The following GAS2L3 variants were observed in gnomAD, a reference collection of about 807,000 sequenced individuals.
The protein encoded by GAS2L3 is GAS2-like protein 3.
A neutral mutation model predicts 37.0 loss-of-function variants in GAS2L3; 28 were observed. That is an observed-to-expected ratio of 0.76 (90% CI 0.56 to 1.04). The LOEUF is 1.04. Among genes scored for constraint, GAS2L3 ranks in the 50% least tolerant of loss-of-function variants. GAS2L3 has a pLI of 0.00. For synonymous variants in GAS2L3, 290 were observed against 296.6 expected (o/e 0.98, Z 0.23); for missense variants, 793 against 817.6 (o/e 0.97, Z 0.37).
intron 6 of GAS2L3, among the ~76,000 whole-genome samples, chr12:100,613,413 C>G (rs1022014740): frequency 1.3e-5 from 2 of 152,154 alleles, no homozygotes; most frequent in South Asian, 2.1e-4. Flanking sequence ...AACAAATATA[C>G]TATTTTAAGG....
At chr12:100,621,582 A>G (rs1956252089) in intron 8 of GAS2L3, among the ~76,000 whole-genome samples, 1 of 152,128 alleles carries the variant, frequency 6.6e-6, no homozygotes. Flanking sequence ...ATTTTATCCA[A>G]TCTTGAGAGA....
intron 5 of GAS2L3, among the ~76,000 whole-genome samples, chr12:100,602,452 G>GTA (rs1002198638): frequency 1.1e-4 from 16 of 150,942 alleles, no homozygotes; most frequent in South Asian, 1.0e-3. Context: ...TGATATGTGT[G>GTA]TATATATATA....
rs371695759 is a variant in GAS2L3, at chr12:100,601,610, G to C, written c.188-28G>C. The stretch of plus-strand genomic sequence containing the variant: ...CCATATTGTTTTTATGTTTCTAGAA[G>C]ATTCTTAACTTTGAAATATGTTTTT... On this transcript the variant is annotated intron_variant, in intron 4 of 9. Coordinates refer to ENST00000547754, the MANE Select transcript of GAS2L3 (RefSeq NM_174942.3). 6.1e-6 allele frequency: 6 copies of C among 975,806 alleles called. No individual in the cohort carries two copies. In the African/African-American group the frequency reaches 9.6e-5, roughly 16 times the overall value. 60.4% of individuals were successfully genotyped at this position (975,806 alleles called of 1,614,324 possible).
At chr12:100,599,792 G>A (rs754240792) in intron 3 of GAS2L3, among the ~76,000 whole-genome samples, 5 of 152,162 alleles carry the variant, frequency 3.3e-5, no homozygotes, top group Admixed American at 1.3e-4. Context: ...TAAGACTCTG[G>A]TCAAGTAACT....
chr12:100,608,945 CT>C (rs1832959056), intron 5 of GAS2L3, among the ~76,000 whole-genome samples: 1 of 152,248 alleles, frequency 6.6e-6, no homozygotes, highest in Non-Finnish European at 1.5e-5. Flanking sequence ...CCTGTGGCTA[CT>C]ACCACCACTG....
intron 8 of GAS2L3, among the ~76,000 whole-genome samples, chr12:100,621,371 A>G (rs1041520770): frequency 1.3e-5 from 2 of 151,996 alleles, no homozygotes; most frequent in Non-Finnish European, 2.9e-5. Flanking sequence ...TTCCATTTCC[A>G]TGTTTTAAAT....
At position 100,624,389 on chromosome 12, in the gene GAS2L3, C is replaced by T. The variant is rs756168014; in HGVS notation, c.1584C>T (p.Thr528=). Residue 528 remains threonine (T), a synonymous_variant, in exon 10 of 10, where the codon ACC becomes ACT. Coordinates refer to ENST00000547754, the MANE Select transcript of GAS2L3 (RefSeq NM_174942.3). ...AAATGACAAAAACCAGTTCCAAAAC[C>T]ATAGCCACGGGTCTAGGAACACAGT... is the stretch of plus-strand genomic sequence containing the variant. ...SAKMTKTSSK[T]IATGLGTQSQ... is the part of the protein sequence containing the mutation. The T allele has an allele frequency of 1.1e-5, 18 of 1,613,916 alleles. No individual in the cohort carries two copies. The South Asian group carries it at 1.9e-4, about 17-fold the overall frequency.
Position 100,622,291 on chromosome 12 carries a change from AG to A in GAS2L3, c.667del (p.Asp223ThrfsTer22), listed in dbSNP as rs775134392. On this transcript the variant is annotated frameshift_variant, in exon 9 of 10. Coordinates refer to ENST00000547754, the MANE Select transcript of GAS2L3 (RefSeq NM_174942.3). LOFTEE classifies it high-confidence loss of function. Reference protein sequence around the residue: ...ELHEAVKHIAEDPPCSCSHRF... With the variant: ...ELHEAVKHIAXDPPCSCSHRF... ...TCATCTTAGGTTAAACATATTGCTG[AG>A]GACCCTCCTTGTAGTTGTTCTCATC... The A allele has an allele frequency of 1.9e-6, 3 of 1,591,812 alleles. No homozygotes were observed. Among genetic ancestry groups the A allele is most frequent in the Non-Finnish European group, 2.6e-6 (3 of 1,161,394 alleles).
chr12:100,593,704 T>C (rs1208344082), intron 2 of GAS2L3: 1 of 152,100 alleles, frequency 6.6e-6, no homozygotes, highest in African/African-American at 2.4e-5. Flanking sequence ...GAGAAGTGGA[T>C]CTTTGTTGCG....
At chr12:100,591,501 T>C (rs1436201460) in intron 1 of GAS2L3, among the ~76,000 whole-genome samples, 2 of 152,204 alleles carry the variant, frequency 1.3e-5, no homozygotes, top group African/African-American at 4.8e-5. Context: ...TTTATTTTTG[T>C]GTTAGTAAAA....
At chr12:100,599,592 T>G (rs1475284753) in intron 3 of GAS2L3, among the ~76,000 whole-genome samples, 1 of 152,202 alleles carries the variant, frequency 6.6e-6, no homozygotes, top group African/African-American at 2.4e-5. Flanking sequence ...TACTTAGAAA[T>G]TTTTTTAAAG....
intron 6 of GAS2L3, among the ~76,000 whole-genome samples, chr12:100,615,275 A>T (rs1482443686): frequency 6.6e-6 from 1 of 152,118 alleles, no homozygotes; most frequent in Non-Finnish European, 1.5e-5. Flanking sequence ...CTTTTTATAT[A>T]CTTGTTAACC....
chr12:100,621,888 A>G (rs1956257963), intron 8 of GAS2L3, among the ~76,000 whole-genome samples: 1 of 147,876 alleles, frequency 6.8e-6, no homozygotes, highest in Admixed American at 6.7e-5. Flanking sequence ...GGGGGGAGAG[A>G]GAGAGAGAGA....
chr12:100,608,310 T>G (rs1037428625), intron 5 of GAS2L3, among the ~76,000 whole-genome samples: 1 of 152,148 alleles, frequency 6.6e-6, no homozygotes, highest in East Asian at 1.9e-4. Context: ...CCACCACCAC[T>G]GAGACTGCAC....
In GAS2L3 at chr12:100,580,083, G is replaced by C. The variant is rs1955691302; in HGVS notation, c.-152+6298G>C. 3 of 1,303,644 alleles carry C rather than the reference G, an allele frequency of 2.3e-6. No homozygotes were observed. The East Asian group carries it at 6.9e-5, about 30-fold the overall frequency. 80.8% of individuals were successfully genotyped at this position (1,303,644 alleles called of 1,614,324 possible). A position where few individuals can be genotyped will look rare whatever the true frequency, so the allele number is the denominator to read the frequency against. Reference sequence around the variant, plus strand: ...CATTTTCTTGAGATGGATGACTCCAGATTCTTATCATTGATACTGGAATAG... The same window carrying C: ...CATTTTCTTGAGATGGATGACTCCACATTCTTATCATTGATACTGGAATAG... On this transcript the variant is annotated intron_variant, in intron 1 of 9. Transcript: ENST00000547754.
Position 100,611,991 on chromosome 12 carries a change from C to T in GAS2L3, c.304-9C>T. 1 of 1,579,558 alleles carries T rather than the reference C, an allele frequency of 6.3e-7. No homozygotes were observed. The highest frequency in any genetic ancestry group is 1.4e-5 in the African/African-American group (1 of 74,038). ...TACATTTTTGAAATTATTCTTTTGT[C>T]TTTTCCAGAATTTTCCAATGAGAAA... On this transcript the variant is annotated splice_polypyrimidine_tract_variant and intron_variant, in intron 5 of 9. Transcript: ENST00000547754.
At chr12:100,618,300 C>T (rs1290906029) in intron 7 of GAS2L3, 149 bp from the exon 8 acceptor site, 3 of 737,376 alleles carry the variant, frequency 4.1e-6, no homozygotes, top group Non-Finnish European at 6.4e-6. Flanking sequence ...ATCTGTGAGA[C>T]ATTAAAAAGC....
At chr12:100,575,754 A>G (rs927296081) in intron 1 of GAS2L3, among the ~76,000 whole-genome samples, 1 of 152,082 alleles carries the variant, frequency 6.6e-6, no homozygotes, top group Admixed American at 6.5e-5. Flanking sequence ...CTGGGATTAC[A>G]GGCATGAGTC....
At chr12:100,617,214 A>C (rs1257972623) in intron 6 of GAS2L3, among the ~76,000 whole-genome samples, 1 of 151,986 alleles carries the variant, frequency 6.6e-6, no homozygotes, top group African/African-American at 2.4e-5. Context: ...GTTTGCCAGT[A>C]TTTCATTGAG....
Sources: allele counts gnomAD v4.1 joint callset (sites outside exome capture counted in the v4.1 genomes callset), GRCh38; gene constraint gnomAD v4.1.1; transcripts MANE v1.5; gene names NCBI Gene and HGNC (gene_info 2026-07-23, HGNC 2026-07-21).